Variants in ME1 observed in about 807,000 individuals in gnomAD.
The protein encoded by ME1 is NADP-dependent malic enzyme.
Under a neutral mutation model 66.4 loss-of-function variants are expected in ME1, and 74 were observed. The observed-to-expected ratio is 1.11, with a 90% CI of 0.92 to 1.35. ME1 has a LOEUF of 1.35. Among genes scored for constraint, ME1 ranks in the 40% most tolerant of loss-of-function variants. The pLI is 0.00. For missense variants in ME1, 750 were observed against 694.1 expected, an observed-to-expected ratio of 1.08 and a Z score of -0.90; for synonymous variants, 251 against 235.6, an observed-to-expected ratio of 1.07 and a Z score of -0.60.
chr6:83,416,795 C>G (rs1770167234), intron 1 of ME1, among the ~76,000 whole-genome samples: 2 of 150,424 alleles, frequency 1.3e-5, no homozygotes. Flanking sequence ...ACTTGGGAGG[C>G]AGAGGTGGTA....
At chr6:83,382,659 C>T (rs1431778351) in intron 3 of ME1, among the ~76,000 whole-genome samples, 3 of 151,994 alleles carry the variant, frequency 2.0e-5, no homozygotes, top group Admixed American at 6.6e-5. Context: ...AAACATAATA[C>T]ATCATTTTAC....
At chr6:83,348,082 G>A (rs1768722745) in intron 4 of ME1, among the ~76,000 whole-genome samples, 2 of 152,116 alleles carry the variant, frequency 1.3e-5, no homozygotes, top group African/African-American at 4.8e-5. Flanking sequence ...TTGGGAGGTA[G>A]GTGAAAATCA....
intron 7 of ME1, among the ~76,000 whole-genome samples, chr6:83,245,656 C>T (rs1322701965): frequency 1.3e-5 from 2 of 152,130 alleles, no homozygotes; most frequent in African/African-American, 4.8e-5. Context: ...GATCCACCTG[C>T]CTTGGCATCC....
At chr6:83,352,035 T>C in intron 4 of ME1, 29 bp downstream of exon 4, 2 of 1,482,618 alleles carry the variant, frequency 1.3e-6, no homozygotes, top group East Asian at 4.6e-5. Flanking sequence ...AGAAAAAATT[T>C]GCTATAGTGG....
At chr6:83,414,180 A>G (rs1223911447) in intron 1 of ME1, among the ~76,000 whole-genome samples, 4 of 151,936 alleles carry the variant, frequency 2.6e-5, no homozygotes, top group African/African-American at 9.6e-5. Context: ...TTCCCCCCCA[A>G]AAAAAATCAG....
intron 6 of ME1, among the ~76,000 whole-genome samples, chr6:83,254,818 G>A (rs1199635617): frequency 6.6e-6 from 1 of 152,038 alleles, no homozygotes; most frequent in Admixed American, 6.6e-5. Flanking sequence ...AGGACTACCT[G>A]ATTTTAAGAC....
intron 11 of ME1, 101 bp from the exon 12 acceptor site, chr6:83,224,034 T>G: frequency 4.9e-6 from 5 of 1,022,172 alleles, no homozygotes; most frequent in South Asian, 1.7e-5. Flanking sequence ...TATAAGTACT[T>G]AGAAAGAAGT....
intron 6 of ME1, among the ~76,000 whole-genome samples, chr6:83,297,746 C>T (rs552506136): frequency 1.5e-4 from 23 of 152,228 alleles, no homozygotes; most frequent in African/African-American, 3.9e-4. Flanking sequence ...CTCCCTGCCC[C>T]GACACCCGAC....
intron 3 of ME1, among the ~76,000 whole-genome samples, chr6:83,375,931 C>A (rs1279116087): frequency 6.6e-6 from 1 of 152,118 alleles, no homozygotes; most frequent in African/African-American, 2.4e-5. Flanking sequence ...AAATGCCCAA[C>A]ACCAGAACTT....
At chr6:83,344,302 A>T (rs997793794) in intron 5 of ME1, among the ~76,000 whole-genome samples, 3 of 151,786 alleles carry the variant, frequency 2.0e-5, no homozygotes, top group Non-Finnish European at 4.4e-5. Flanking sequence ...AAAAAAAAAA[A>T]AAAGCCAAAT....
intron 12 of ME1, among the ~76,000 whole-genome samples, chr6:83,218,403 A>G (rs1790030260): frequency 6.6e-6 from 1 of 152,192 alleles, no homozygotes; most frequent in Admixed American, 6.5e-5. Flanking sequence ...ACTGGGGGGC[A>G]TTCTTTTCCC....
At chr6:83,397,953 G>A (rs997398501) in intron 3 of ME1, among the ~76,000 whole-genome samples, 6 of 152,244 alleles carry the variant, frequency 3.9e-5, no homozygotes, top group Non-Finnish European at 5.9e-5. Flanking sequence ...AGAGAAGAAC[G>A]GTAGTTACCA....
intron 3 of ME1, among the ~76,000 whole-genome samples, chr6:83,355,938 G>C (rs767625367): frequency 2.0e-5 from 3 of 151,852 alleles, no homozygotes; most frequent in African/African-American, 7.3e-5. Context: ...TCCTATTTTT[G>C]TTCTTGTTTC....
chr6:83,393,213 A>G (rs1769659413), intron 3 of ME1: 3 of 1,158,984 alleles, frequency 2.6e-6, no homozygotes, highest in Non-Finnish European at 3.9e-6. Flanking sequence ...GGACCCCCTC[A>G]AAGGCATCCT....
intron 6 of ME1, among the ~76,000 whole-genome samples, chr6:83,270,451 A>G (rs1767063930): frequency 6.6e-6 from 1 of 152,128 alleles, no homozygotes; most frequent in South Asian, 2.1e-4. Flanking sequence ...CTATTTAATT[A>G]TTATACTTTC....
intron 6 of ME1, among the ~76,000 whole-genome samples, chr6:83,268,767 T>G (rs982835636): frequency 1.6e-5 from 2 of 121,702 alleles, no homozygotes; most frequent in African/African-American, 9.7e-5. Flanking sequence ...TATTATTGTA[T>G]TTTTGGTAGA....
At chr6:83,399,151 A>T (rs1769797704) in intron 2 of ME1, among the ~76,000 whole-genome samples, 1 of 151,120 alleles carries the variant, frequency 6.6e-6, no homozygotes, top group African/African-American at 2.4e-5. Flanking sequence ...TGCACCAACA[A>T]GCCCGGCTAA....
At position 83,352,694 on chromosome 6, in the gene ME1, TTACTC is replaced by T. The variant is rs1239479930; in HGVS notation, c.363-560_363-556del. ...TAGTTGCCGTTTGCAACTCTGTTAT[TTACTC>T]TAAAGTCTTTAACACTGCTTGCCCC... On this transcript the variant is annotated intron_variant, in intron 3 of 13. Transcript: ENST00000369705. Among the ~76,000 whole-genome samples the T allele has an allele frequency of 3.9e-5, 6 of 152,314 alleles. No individual in the cohort carries two copies. The East Asian group carries it at 9.6e-4, about 24-fold the overall frequency.
At chr6:83,325,786 G>C (rs997134058) in intron 5 of ME1, among the ~76,000 whole-genome samples, 3 of 151,792 alleles carry the variant, frequency 2.0e-5, no homozygotes, top group Admixed American at 6.6e-5. Context: ...ACTGACCATA[G>C]GGCCCAAAGT....
Sources: allele counts gnomAD v4.1 joint callset (sites outside exome capture counted in the v4.1 genomes callset), GRCh38; gene constraint gnomAD v4.1.1; transcripts MANE v1.5; gene names NCBI Gene and HGNC (gene_info 2026-07-23, HGNC 2026-07-21).